The following FAM114A2 variants were observed in gnomAD, a reference collection of about 807,000 sequenced individuals.
The protein encoded by FAM114A2 is protein FAM114A2.
In FAM114A2, 53 loss-of-function variants were observed where a neutral mutation model predicts 58.4. The observed-to-expected ratio is 0.91, with a 90% CI of 0.73 to 1.14. The LOEUF is 1.14. Ranked by LOEUF, FAM114A2 falls within the 50% of genes most tolerant of loss-of-function variation. The probability of loss-of-function intolerance (pLI) is 0.00; values close to 1 mark genes in which losing one functional copy is unlikely to be tolerated. For synonymous variants in FAM114A2, 228 were observed against 211.4 expected (o/e 1.08, Z -0.68); for missense variants, 601 against 581.1 (o/e 1.03, Z -0.35).
At position 154,034,730 on chromosome 5, in the gene FAM114A2, G is replaced by T; in HGVS notation, c.210+14C>A. ...TTTTAATAGATACCCTACTTTTTCT[G>T]TGGTCTGTGATACCTGAATAGGGAG... On this transcript the variant is annotated intron_variant, in intron 2 of 13. Coordinates refer to ENST00000351797, the MANE Select transcript of FAM114A2 (RefSeq NM_018691.4). 6.4e-7 allele frequency: 1 copy of T among 1,568,018 alleles called. No individual in the cohort carries two copies. The highest frequency in any genetic ancestry group is 1.1e-5 in the South Asian group (1 of 89,302).
intron 4 of FAM114A2, 93 bp downstream of exon 4, chr5:154,033,698 G>C (rs1230871788): frequency 1.4e-6 from 1 of 729,602 alleles, no homozygotes; most frequent in East Asian, 2.6e-5. Flanking sequence ...GATGCCCTGA[G>C]TATCAGATGT....
chr5:154,015,445 G>A (rs574249870), intron 8 of FAM114A2, among the ~76,000 whole-genome samples: 2 of 152,298 alleles, frequency 1.3e-5, no homozygotes, highest in Admixed American at 1.3e-4. Context: ...CAGTTCACAG[G>A]ACTCTGTGGA....
chr5:154,005,271 T>G (rs1770276510), intron 9 of FAM114A2, among the ~76,000 whole-genome samples: 1 of 152,192 alleles, frequency 6.6e-6, no homozygotes, highest in Non-Finnish European at 1.5e-5. Context: ...TCATGTGACC[T>G]GGGTGCAGCT....
At chr5:154,028,617 C>T (rs1771965894) in intron 5 of FAM114A2, among the ~76,000 whole-genome samples, 1 of 152,078 alleles carries the variant, frequency 6.6e-6, no homozygotes, top group Admixed American at 6.6e-5. Context: ...GAAAACTACC[C>T]CAATGCTCAC....
At chr5:154,002,146 T>G in intron 11 of FAM114A2, 105 bp downstream of exon 11, 1 of 990,092 alleles carries the variant, frequency 1.0e-6, no homozygotes, top group South Asian at 1.4e-5. Context: ...TGTGGATGGG[T>G]GTGACGTGAA....
At chr5:154,027,145 T>C (rs1398099857) in intron 7 of FAM114A2, 31 bp downstream of exon 7, 1 of 1,575,850 alleles carries the variant, frequency 6.3e-7, no homozygotes, top group African/African-American at 1.4e-5. Context: ...CTTGAAGACT[T>C]TTTCCAGTTG....
intron 8 of FAM114A2, among the ~76,000 whole-genome samples, chr5:154,013,156 C>T (rs1770810257): frequency 6.6e-6 from 1 of 152,078 alleles, no homozygotes; most frequent in Non-Finnish European, 1.5e-5. Context: ...CTGTCATCTA[C>T]TGTTTAGAAT....
At chr5:154,020,189 G>C (rs1771311806) in intron 8 of FAM114A2, among the ~76,000 whole-genome samples, 1 of 152,096 alleles carries the variant, frequency 6.6e-6, no homozygotes, top group Non-Finnish European at 1.5e-5. Context: ...GCCCACAAGA[G>C]AAAGCAGGAA....
intron 8 of FAM114A2, among the ~76,000 whole-genome samples, chr5:154,014,790 A>C (rs1770921990): frequency 6.6e-6 from 1 of 152,164 alleles, no homozygotes; most frequent in African/African-American, 2.4e-5. Context: ...GAACTGATGG[A>C]GAAGTCTCCT....
intron 4 of FAM114A2, among the ~76,000 whole-genome samples, chr5:154,030,672 G>A (rs1401404853): frequency 6.6e-6 from 1 of 152,204 alleles, no homozygotes; most frequent in African/African-American, 2.4e-5. Flanking sequence ...GAATTTGCAG[G>A]TCAGAAAACC....
chr5:153,995,251 A>T (rs1250638743), intron 12 of FAM114A2: 1 of 277,232 alleles, frequency 3.6e-6, no homozygotes, highest in African/African-American at 2.2e-5. Context: ...AAAACCTTAG[A>T]ACCATTTTAA....
At chr5:153,995,021 G>GT (rs1413487837) in intron 12 of FAM114A2, 49 bp from the exon 13 acceptor site, 4 of 1,149,038 alleles carry the variant, frequency 3.5e-6, no homozygotes, top group Non-Finnish European at 5.3e-6. Flanking sequence ...TTAAATAACA[G>GT]TAAGTGGAGT....
At chr5:154,036,330 A>G (rs1197062089) in intron 1 of FAM114A2, 2 of 152,204 alleles carry the variant, frequency 1.3e-5, no homozygotes, top group Admixed American at 6.5e-5. Context: ...ACTCAATTCA[A>G]TTCCTTCCAG....
rs995406638 is a variant in FAM114A2 at position 154,011,139 on chromosome 5, G to A, written c.993+102C>T. On this transcript the variant is annotated intron_variant, in intron 9 of 13. Coordinates refer to ENST00000351797, the MANE Select transcript of FAM114A2 (RefSeq NM_018691.4). ...CTGGGTATAACGAGAATATACCTTC[G>A]ATTTTGGTGACACCTCTGCCAGGAA... is the stretch of plus-strand genomic sequence containing the variant. The A allele has an allele frequency of 2.9e-5, 25 of 860,344 alleles. No individual in the cohort carries two copies. In the African/African-American group the frequency reaches 3.1e-4, roughly 11 times the overall value. The allele number at this position is 860,344 out of a possible 1,614,324, so 53.3% of individuals were successfully genotyped here.
intron 8 of FAM114A2, among the ~76,000 whole-genome samples, chr5:154,019,382 G>A (rs1239414052): frequency 1.3e-5 from 2 of 152,078 alleles, no homozygotes; most frequent in Non-Finnish European, 2.9e-5. Context: ...AGAAATCATA[G>A]ACGATACAAA....
chr5:154,004,266 G>A (rs936992596), intron 9 of FAM114A2, among the ~76,000 whole-genome samples: 14 of 152,018 alleles, frequency 9.2e-5, no homozygotes, highest in African/African-American at 3.1e-4. Context: ...GTTCTCCTCT[G>A]ACCTTTATGA....
At chr5:154,031,378 A>G (rs1420482904) in intron 4 of FAM114A2, among the ~76,000 whole-genome samples, 2 of 150,480 alleles carry the variant, frequency 1.3e-5, no homozygotes, top group Non-Finnish European at 3.0e-5. Flanking sequence ...CCCGCCGACA[A>G]AAGGAAAGCA....
chr5:154,011,526 G>C (rs1001881565), intron 8 of FAM114A2, among the ~76,000 whole-genome samples: 7 of 152,144 alleles, frequency 4.6e-5, no homozygotes, highest in African/African-American at 1.4e-4. Flanking sequence ...ATGGGCTTGA[G>C]AGAAAAGTGC....
intron 8 of FAM114A2, among the ~76,000 whole-genome samples, chr5:154,012,135 G>A (rs1310337601): frequency 6.6e-6 from 1 of 151,804 alleles, no homozygotes; most frequent in Non-Finnish European, 1.5e-5. Context: ...ACAAAATGGT[G>A]GATAAGAAGA....
Sources: allele counts gnomAD v4.1 joint callset (sites outside exome capture counted in the v4.1 genomes callset), GRCh38; gene constraint gnomAD v4.1.1; transcripts MANE v1.5; gene names NCBI Gene and HGNC (gene_info 2026-07-23, HGNC 2026-07-21).